CDH12: variants seen among roughly 807,000 people sequenced by gnomAD.
The protein encoded by CDH12 is cadherin-12.
CDH12 carries 41 observed loss-of-function variants against 74.1 expected under a neutral mutation model. The observed-to-expected ratio is 0.55, with a 90% confidence interval of 0.43 to 0.72. CDH12 has a LOEUF of 0.72. CDH12 is among the 30% of genes least tolerant of loss of function. The pLI is 0.00. For missense variants in CDH12, 945 were observed against 977.2 expected (o/e 0.97, Z 0.44); for synonymous variants, 399 against 355.0 (o/e 1.12, Z -1.39).
intron 4 of CDH12, among the ~76,000 whole-genome samples, chr5:22,145,512 G>A (rs1747101942): frequency 6.6e-6 from 1 of 152,010 alleles, no homozygotes; most frequent in African/African-American, 2.4e-5. Flanking sequence ...CTCTAAGGCA[G>A]TTTTTCCCAT....
intron 6 of CDH12, among the ~76,000 whole-genome samples, chr5:21,858,150 C>T (rs80321629): frequency 6.6e-6 from 1 of 151,798 alleles, no homozygotes; most frequent in Non-Finnish European, 1.5e-5. Context: ...AGAGCTTCCA[C>T]ATATGAATTT....
intron 3 of CDH12, among the ~76,000 whole-genome samples, chr5:22,313,985 G>T (rs1403325062): frequency 6.6e-6 from 1 of 152,098 alleles, no homozygotes; most frequent in Non-Finnish European, 1.5e-5. Context: ...AAAGAAAAAA[G>T]CTCACTCTGT....
At chr5:22,318,564 C>T (rs978764516) in intron 3 of CDH12, among the ~76,000 whole-genome samples, 1 of 152,198 alleles carries the variant, frequency 6.6e-6, no homozygotes, top group East Asian at 1.9e-4. Context: ...AAAGAATGCT[C>T]ACAAAAGTTT....
At chr5:22,796,193 T>A (rs1293788253) in intron 1 of CDH12, among the ~76,000 whole-genome samples, 2 of 152,198 alleles carry the variant, frequency 1.3e-5, no homozygotes, top group Non-Finnish European at 2.9e-5. Flanking sequence ...TTTCATTTTC[T>A]TTGGATATAT....
intron 3 of CDH12, among the ~76,000 whole-genome samples, chr5:22,308,234 T>C (rs1238311477): frequency 1.3e-5 from 2 of 152,136 alleles, no homozygotes; most frequent in Admixed American, 6.5e-5. Context: ...AAAGAGATGT[T>C]TTCTAAATTA....
At chr5:21,766,663 C>A (rs1240060716) in intron 11 of CDH12, among the ~76,000 whole-genome samples, 1 of 151,808 alleles carries the variant, frequency 6.6e-6, no homozygotes, top group Non-Finnish European at 1.5e-5. Context: ...TTATTGCTAT[C>A]CATTATTTAC....
At chr5:22,705,965 C>T (rs1742986659) in intron 1 of CDH12, among the ~76,000 whole-genome samples, 1 of 151,726 alleles carries the variant, frequency 6.6e-6, no homozygotes, top group Non-Finnish European at 1.5e-5. Flanking sequence ...TTTCATTGTT[C>T]CTTGAATAAC....
chr5:22,058,643 G>GCT (rs1182138205), intron 5 of CDH12, among the ~76,000 whole-genome samples: 4,519 of 144,678 alleles, frequency 0.031, 157 homozygotes, highest in African/African-American at 0.086. Context: ...CCTTTTTAAT[G>GCT]TACAAAGAAG....
intron 1 of CDH12, among the ~76,000 whole-genome samples, chr5:22,634,530 T>C (rs2126861291): frequency 6.6e-6 from 1 of 152,188 alleles, no homozygotes; most frequent in South Asian, 2.1e-4. Flanking sequence ...TTTCAATGCA[T>C]CAGAAAAACA....
chr5:22,716,262 G>A (rs1743572894), intron 1 of CDH12, among the ~76,000 whole-genome samples: 1 of 152,134 alleles, frequency 6.6e-6, no homozygotes, highest in South Asian at 2.1e-4. Flanking sequence ...AGCCTTTACT[G>A]GATGGTTGGT....
At position 21,829,745 on chromosome 5, in the gene CDH12, G is replaced by T. The variant is rs113419226; in HGVS notation, c.814+12416C>A. 3.0e-3 allele frequency among the ~76,000 whole-genome samples: 461 copies of T among 152,266 alleles called. 1 individual carries two copies. Among genetic ancestry groups the T allele is most frequent in the African/African-American group, 0.011 (447 of 41,564 alleles). ...TGCTGTCAGAAATCTATGTATTAAA[G>T]GATTGAGGAGGGTGTGTCTAAAGTT... On this transcript the variant is annotated intron_variant, in intron 8 of 14. Coordinates refer to ENST00000382254, the MANE Select transcript of CDH12 (RefSeq NM_004061.5).
chr5:22,019,658 T>C (rs1461281751), intron 5 of CDH12, among the ~76,000 whole-genome samples: 1 of 152,220 alleles, frequency 6.6e-6, no homozygotes, highest in Non-Finnish European at 1.5e-5. Flanking sequence ...CACCTGGATC[T>C]TGGACTTCCA....
chr5:21,932,473 C>T (rs149439503), intron 6 of CDH12, among the ~76,000 whole-genome samples: 3 of 152,128 alleles, frequency 2.0e-5, no homozygotes, highest in East Asian at 3.9e-4. Context: ...ATACTCAGCT[C>T]TCTGCAGAGG....
intron 1 of CDH12, among the ~76,000 whole-genome samples, chr5:22,731,884 A>G (rs17292368): frequency 2.5e-4 from 38 of 151,870 alleles, no homozygotes; most frequent in Admixed American, 2.4e-3. Context: ...TGCATAGTTG[A>G]ATTGCTTAAA....
At chr5:22,691,280 A>G (rs1449200895) in intron 1 of CDH12, among the ~76,000 whole-genome samples, 1 of 152,182 alleles carries the variant, frequency 6.6e-6, no homozygotes, top group Non-Finnish European at 1.5e-5. Context: ...TCTTGGAACC[A>G]TGTTAACTAT....
At chr5:22,516,885 G>A (rs2126679563) in intron 1 of CDH12, among the ~76,000 whole-genome samples, 1 of 151,996 alleles carries the variant, frequency 6.6e-6, no homozygotes, top group East Asian at 1.9e-4. Context: ...ATACAGAAAT[G>A]AAAAGAAACA....
chr5:22,234,925 T>C (rs1332720055), intron 3 of CDH12, among the ~76,000 whole-genome samples: 1 of 152,122 alleles, frequency 6.6e-6, no homozygotes, highest in Non-Finnish European at 1.5e-5. Context: ...AACAAATGTT[T>C]GTACAAACCA....
intron 9 of CDH12, among the ~76,000 whole-genome samples, chr5:21,804,643 A>AAAAATACAC (rs1554032478): frequency 8.7e-6 from 1 of 115,272 alleles, no homozygotes; most frequent in South Asian, 2.8e-4. Flanking sequence ...AGTGAATTAA[A>AAAAATACAC]ACACACACAC....
intron 3 of CDH12, among the ~76,000 whole-genome samples, chr5:22,261,126 C>T (rs1178210047): frequency 2.0e-5 from 3 of 150,458 alleles, no homozygotes; most frequent in Non-Finnish European, 1.5e-5. Context: ...GTGCTAAAAG[C>T]TATGGGACTT....
Sources: allele counts gnomAD v4.1 joint callset (sites outside exome capture counted in the v4.1 genomes callset), GRCh38; gene constraint gnomAD v4.1.1; transcripts MANE v1.5; gene names NCBI Gene and HGNC (gene_info 2026-07-23, HGNC 2026-07-21).